Variants in SEMA3A observed in about 807,000 individuals in gnomAD.
The protein encoded by SEMA3A is semaphorin 3A.
A neutral mutation model predicts 97.9 loss-of-function variants in SEMA3A; 29 were observed. That is an observed-to-expected ratio of 0.30 (90% CI 0.22 to 0.40). SEMA3A has a LOEUF of 0.40. Among genes scored for constraint, SEMA3A ranks in the 10% least tolerant of loss-of-function variants. The pLI is 1.00. For missense variants in SEMA3A, 763 were observed against 951.3 expected (o/e 0.80, Z 2.60); for synonymous variants, 321 against 323.7 (o/e 0.99, Z 0.09).
chr7:84,157,126 C>T (rs1272106949), intron 1 of SEMA3A, among the ~76,000 whole-genome samples: 2 of 152,104 alleles, frequency 1.3e-5, no homozygotes, highest in Admixed American at 6.6e-5. Flanking sequence ...TAAAAATGCA[C>T]TCTTTTAAAT....
chr7:84,334,461 T>C (rs926558368), intron 2 of SEMA3A, among the ~76,000 whole-genome samples: 4 of 151,972 alleles, frequency 2.6e-5, no homozygotes, highest in Non-Finnish European at 5.9e-5. Flanking sequence ...ATAAGAAAAA[T>C]ATTTTATTAA....
intron 1 of SEMA3A, among the ~76,000 whole-genome samples, chr7:84,462,861 A>C (rs1805883637): frequency 6.6e-6 from 1 of 152,204 alleles, no homozygotes; most frequent in Admixed American, 6.5e-5. Flanking sequence ...TGTTCATCTC[A>C]CAAGGTCTCA....
intron 1 of SEMA3A, among the ~76,000 whole-genome samples, chr7:84,464,274 A>G (rs1208070911): frequency 6.6e-6 from 1 of 152,200 alleles, no homozygotes; most frequent in African/African-American, 2.4e-5. Flanking sequence ...GTTGCATCAC[A>G]AGCGACTTGC....
rs746887710 is a variant in SEMA3A at position 83,963,227 on chromosome 7, C to A, written c.1838G>T (p.Arg613Leu). The A allele has an allele frequency of 5.0e-6, 8 of 1,613,220 alleles. No homozygotes were observed. Among genetic ancestry groups the A allele is most frequent in the African/African-American group, 1.3e-5 (1 of 74,904 alleles). ...TACCTCTTCTTTTCGCTCTTCATTT[C>A]GCCTCTGGAATTGCCAATAGACCAG... is the stretch of plus-strand genomic sequence containing the variant. ...RALVYWQFQR[R>L]NEERKEEIRV... Residue 613 changes from arginine (R) to leucine (L), a missense_variant, in exon 16 of 17, where the codon CGA (arginine) becomes CTA (leucine). Transcript: ENST00000265362.
intron 15 of SEMA3A, among the ~76,000 whole-genome samples, chr7:83,976,731 A>G (rs1052479107): frequency 2.6e-5 from 4 of 152,002 alleles, no homozygotes; most frequent in Non-Finnish European, 5.9e-5. Flanking sequence ...TCATGAGCAT[A>G]TAAATGAATC....
At chr7:84,023,449 T>C (rs551271703) in intron 6 of SEMA3A, among the ~76,000 whole-genome samples, 2 of 152,304 alleles carry the variant, frequency 1.3e-5, no homozygotes, top group African/African-American at 4.8e-5. Flanking sequence ...AAAGTTGGGA[T>C]ACATATTGGT....
chr7:84,464,819 A>G (rs971035148), intron 1 of SEMA3A, among the ~76,000 whole-genome samples: 8 of 152,206 alleles, frequency 5.3e-5, no homozygotes, highest in Admixed American at 6.5e-5. Flanking sequence ...GTATGAGAAA[A>G]TAAACTTTTC....
intron 3 of SEMA3A, among the ~76,000 whole-genome samples, chr7:84,269,042 TTTC>T (rs1235380926): frequency 1.3e-5 from 2 of 152,158 alleles, no homozygotes; most frequent in East Asian, 3.9e-4. Flanking sequence ...TTCTTCATTC[TTTC>T]TTCTTTTTAA....
intron 4 of SEMA3A, among the ~76,000 whole-genome samples, chr7:84,079,993 C>T (rs1249854168): frequency 9.7e-5 from 14 of 144,836 alleles, no homozygotes; most frequent in Non-Finnish European, 1.9e-4. Context: ...GAAAATGTGG[C>T]ACATATACAC....
At chr7:84,301,045 T>C in intron 3 of SEMA3A, among the ~76,000 whole-genome samples, 1 of 151,970 alleles carries the variant, frequency 6.6e-6, no homozygotes, top group East Asian at 1.9e-4. Flanking sequence ...GATTAAAAAA[T>C]TCAATAAAAA....
chr7:84,378,342 A>G (rs1803162196), intron 1 of SEMA3A, among the ~76,000 whole-genome samples: 2 of 152,164 alleles, frequency 1.3e-5, no homozygotes, highest in Non-Finnish European at 2.9e-5. Flanking sequence ...GGATAAAGAA[A>G]ATGTGGCACA....
At chr7:84,071,346 A>T (rs1269345411) in intron 4 of SEMA3A, among the ~76,000 whole-genome samples, 2 of 152,094 alleles carry the variant, frequency 1.3e-5, no homozygotes, top group African/African-American at 4.8e-5. Flanking sequence ...CAGGAAGAGA[A>T]ATTTTGACAT....
intron 1 of SEMA3A, among the ~76,000 whole-genome samples, chr7:84,413,365 T>C (rs1283796874): frequency 2.0e-5 from 3 of 152,124 alleles, no homozygotes; most frequent in Non-Finnish European, 4.4e-5. Context: ...TGGTGCCTCA[T>C]ACCTGTAATC....
intron 1 of SEMA3A, among the ~76,000 whole-genome samples, chr7:84,390,589 A>C (rs1803514903): frequency 6.6e-6 from 1 of 152,040 alleles, no homozygotes; most frequent in African/African-American, 2.4e-5. Flanking sequence ...ACAGTCATAA[A>C]ATCATGCGTA....
intron 5 of SEMA3A, among the ~76,000 whole-genome samples, chr7:84,050,561 T>C (rs1329924760): frequency 2.0e-5 from 3 of 152,086 alleles, no homozygotes; most frequent in East Asian, 3.9e-4. Context: ...GGGTTGTATG[T>C]TTTTTTCTTG....
At chr7:84,227,086 G>A (rs1019348707) in intron 3 of SEMA3A, among the ~76,000 whole-genome samples, 4 of 151,998 alleles carry the variant, frequency 2.6e-5, no homozygotes, top group Admixed American at 2.6e-4. Context: ...AGTTTAAACA[G>A]GTTTTGGCAG....
intron 3 of SEMA3A, among the ~76,000 whole-genome samples, chr7:84,248,057 G>A (rs762285305): frequency 1.3e-5 from 2 of 152,074 alleles, no homozygotes; most frequent in Admixed American, 6.6e-5. Context: ...GTCACCATCC[G>A]ATAAATAAAT....
chr7:84,236,558 C>A (rs1204905544), intron 3 of SEMA3A, among the ~76,000 whole-genome samples: 1 of 152,176 alleles, frequency 6.6e-6, no homozygotes, highest in East Asian at 1.9e-4. Context: ...GTTTAACTTC[C>A]TTTTCCATGC....
intron 1 of SEMA3A, among the ~76,000 whole-genome samples, chr7:84,141,914 A>C (rs2116075465): frequency 6.6e-6 from 1 of 152,240 alleles, no homozygotes; most frequent in African/African-American, 2.4e-5. Context: ...GTACCGAATC[A>C]AAGAACAAGA....
Sources: gnomAD v4.1 joint callset for allele counts (sites outside exome capture counted in the v4.1 genomes callset) on GRCh38, gnomAD v4.1.1 for gene constraint, MANE v1.5 for transcripts, NCBI Gene and HGNC (gene_info 2026-07-23, HGNC 2026-07-21) for gene names.